Variants in EVI5 observed in about 807,000 individuals in gnomAD.
The protein encoded by EVI5 is ecotropic viral integration site 5, also known as ecotropic viral integration site 5 protein homolog.
In EVI5, 73 loss-of-function variants were observed where a neutral mutation model predicts 112.0. The ratio of observed to expected loss-of-function variants is 0.65; its 90% CI spans 0.54 to 0.79. The LOEUF (loss-of-function observed/expected upper bound fraction) is 0.79, where lower values mean the gene tolerates loss of function less well. EVI5 is among the 30% of genes least tolerant of loss of function. The pLI, the probability that EVI5 is intolerant of heterozygous loss-of-function variation, is 0.00. For synonymous variants in EVI5, 305 were observed against 319.9 expected (o/e 0.95, Z 0.50); for missense variants, 900 against 968.8 (o/e 0.93, Z 0.94).
intron 19 of EVI5, among the ~76,000 whole-genome samples, chr1:92,547,296 C>G (rs1336503671): frequency 6.6e-6 from 1 of 152,102 alleles, no homozygotes; most frequent in Non-Finnish European, 1.5e-5. Context: ...TTCTTTGAAA[C>G]CAATGAGAAC....
chr1:92,756,467 A>C lies in EVI5; in HGVS notation c.-81-19840T>G, dbSNP rs149119230. Reference sequence around the variant, plus strand: ...GAGGATTATACTTCGTCTTTCTCCAACATGGCCTACAAGACTACATCATTA... The same window carrying C: ...GAGGATTATACTTCGTCTTTCTCCACCATGGCCTACAAGACTACATCATTA... On this transcript the variant is annotated intron_variant, in intron 1 of 19. Coordinates refer to ENST00000684568, the MANE Select transcript of EVI5 (RefSeq NM_001350197.2). The C allele has an allele frequency of 6.0e-3, 3,258 of 539,726 alleles. 23 individuals are homozygous for C. The highest frequency in any genetic ancestry group is 9.3e-3 in the Non-Finnish European group (2,465 of 264,876). 33.4% of individuals were successfully genotyped at this position (539,726 alleles called of 1,614,324 possible).
chr1:92,514,512 T>A (rs898446714), intron 19 of EVI5, among the ~76,000 whole-genome samples: 1 of 152,198 alleles, frequency 6.6e-6, no homozygotes, highest in African/African-American at 2.4e-5. Context: ...TTTTAGTATT[T>A]ACTTTTCTCA....
At chr1:92,771,339 C>T (rs1387183252) in intron 1 of EVI5, among the ~76,000 whole-genome samples, 1 of 152,048 alleles carries the variant, frequency 6.6e-6, no homozygotes, top group African/African-American at 2.4e-5. Context: ...CCAGAGATAT[C>T]TCATACTTCC....
chr1:92,751,073 C>G (rs922237085), intron 1 of EVI5, among the ~76,000 whole-genome samples: 10 of 152,108 alleles, frequency 6.6e-5, no homozygotes, highest in African/African-American at 2.4e-4. Flanking sequence ...TGGCATGAAC[C>G]CGGGAGGCAG....
chr1:92,652,615 A>G (rs959139106), intron 13 of EVI5, among the ~76,000 whole-genome samples: 2 of 152,248 alleles, frequency 1.3e-5, no homozygotes, highest in Non-Finnish European at 2.9e-5. Flanking sequence ...ACTACTCACA[A>G]AAGCTAAGAT....
At chr1:92,757,198 T>C (rs1452300834) in intron 1 of EVI5, among the ~76,000 whole-genome samples, 2 of 152,194 alleles carry the variant, frequency 1.3e-5, no homozygotes, top group African/African-American at 4.8e-5. Flanking sequence ...ATGACAAAAA[T>C]GCTCACGTCC....
chr1:92,761,752 T>G (rs1309203384), intron 1 of EVI5, among the ~76,000 whole-genome samples: 1 of 152,184 alleles, frequency 6.6e-6, no homozygotes, highest in Non-Finnish European at 1.5e-5. Context: ...ACTACAGATG[T>G]GTGCTATCAC....
intron 2 of EVI5, among the ~76,000 whole-genome samples, chr1:92,710,167 A>G (rs976432634): frequency 3.3e-5 from 5 of 151,374 alleles, no homozygotes; most frequent in African/African-American, 1.2e-4. Context: ...ACATGGAGAA[A>G]CCCCATCTCT....
intron 18 of EVI5, among the ~76,000 whole-genome samples, chr1:92,602,185 T>A (rs1649320559): frequency 6.6e-6 from 1 of 152,168 alleles, no homozygotes; most frequent in African/African-American, 2.4e-5. Flanking sequence ...ACATTTGAAA[T>A]TGAAATTTAA....
chr1:92,742,051 T>C (rs1678493648), intron 1 of EVI5, among the ~76,000 whole-genome samples: 1 of 151,918 alleles, frequency 6.6e-6, no homozygotes, highest in African/African-American at 2.4e-5. Flanking sequence ...TATTTGCAAA[T>C]CATATAGCTG....
intron 18 of EVI5, among the ~76,000 whole-genome samples, chr1:92,579,228 TC>T (rs1174433022): frequency 6.6e-6 from 1 of 152,224 alleles, no homozygotes; most frequent in Non-Finnish European, 1.5e-5. Flanking sequence ...TCCTAAATAT[TC>T]ATCTTATTAA....
chr1:92,517,077 C>T (rs770352006), intron 19 of EVI5, among the ~76,000 whole-genome samples: 11 of 152,104 alleles, frequency 7.2e-5, no homozygotes, highest in Non-Finnish European at 1.3e-4. Context: ...ATTTTTTACA[C>T]GCATTCAGGA....
intron 16 of EVI5, among the ~76,000 whole-genome samples, chr1:92,610,688 T>A (rs967891552): frequency 1.3e-5 from 2 of 152,118 alleles, no homozygotes; most frequent in African/African-American, 4.8e-5. Context: ...GATTGGAGAT[T>A]AGCTATACTG....
At chr1:92,684,140 G>A (rs928198479) in intron 9 of EVI5, among the ~76,000 whole-genome samples, 4 of 151,970 alleles carry the variant, frequency 2.6e-5, no homozygotes, top group Admixed American at 1.3e-4. Flanking sequence ...AAATGTTAAG[G>A]GCAGCCACAG....
chr1:92,589,992 T>C lies in EVI5; in HGVS notation c.2070+15315A>G, dbSNP rs373042407. 6.6e-4 allele frequency among the ~76,000 whole-genome samples: 100 copies of C among 152,296 alleles called. 1 individual carries two copies. In the South Asian group the frequency reaches 0.019, roughly 28 times the overall value. ...TGTTCTGCAGCCTCCGCTGCTGATATACAGGCAAACAGGGTCTGGAGTGGA... is the reference window on the plus strand; with the variant it reads ...TGTTCTGCAGCCTCCGCTGCTGATACACAGGCAAACAGGGTCTGGAGTGGA... On this transcript the variant is annotated intron_variant, in intron 18 of 19. Coordinates refer to ENST00000684568, the MANE Select transcript of EVI5 (RefSeq NM_001350197.2).
At chr1:92,627,568 T>C (rs148559354) in intron 14 of EVI5, among the ~76,000 whole-genome samples, 410 of 152,324 alleles carry the variant, frequency 2.7e-3, no homozygotes, top group African/African-American at 8.5e-3. Flanking sequence ...GATCAAATGG[T>C]ACTTCTACTT....
chr1:92,693,061 A>G (rs1669746528), intron 9 of EVI5, among the ~76,000 whole-genome samples: 1 of 152,198 alleles, frequency 6.6e-6, no homozygotes, highest in South Asian at 2.1e-4. Context: ...AGTACAAAAA[A>G]TAAGATTTGA....
intron 2 of EVI5, among the ~76,000 whole-genome samples, chr1:92,725,019 T>C (rs777257035): frequency 6.6e-6 from 1 of 152,008 alleles, no homozygotes; most frequent in Non-Finnish European, 1.5e-5. Flanking sequence ...GAAGAGTCAT[T>C]GCAAGTCAGA....
Position 92,636,241 on chromosome 1 carries a change from T to C in EVI5, c.1488A>G (p.Ala496=), listed in dbSNP as rs1658798942. 4 of 1,613,800 alleles carry C rather than the reference T, an allele frequency of 2.5e-6. No homozygotes were observed. The highest frequency in any genetic ancestry group is 1.6e-4 in the Middle Eastern group (1 of 6,080). ...AGACTTTATCCTGCATCTCTTTTAA[T>C]GCACACTGAGACTCAGCTTCACTCA... The part of the protein sequence containing the change: ...ARLSEAESQC[A]LKEMQDKVLD... Residue 496 remains alanine (A), a synonymous_variant, in exon 14 of 20, where the codon GCA becomes GCG. Transcript: ENST00000684568.
Sources: gnomAD v4.1 joint callset for allele counts (sites outside exome capture counted in the v4.1 genomes callset) on GRCh38, gnomAD v4.1.1 for gene constraint, MANE v1.5 for transcripts, NCBI Gene and HGNC (gene_info 2026-07-23, HGNC 2026-07-21) for gene names.